Variants in C4orf17 observed in about 807,000 individuals in gnomAD.
The protein encoded by C4orf17 is uncharacterized protein C4orf17.
In C4orf17, 25 loss-of-function variants were observed where a neutral mutation model predicts 32.0. The observed-to-expected ratio is 0.78, with a 90% CI of 0.57 to 1.09. The LOEUF (loss-of-function observed/expected upper bound fraction) is 1.09. Ranked by LOEUF, C4orf17 falls within the 50% of genes least tolerant of loss-of-function variation. C4orf17 has a pLI of 0.00. For missense variants in C4orf17, 420 were observed against 420.0 expected, an observed-to-expected ratio of 1.00 and a Z score of 0.00; for synonymous variants, 149 against 145.8, an observed-to-expected ratio of 1.02 and a Z score of -0.16.
At chr4:99,516,927 C>G (rs75594733) in intron 2 of C4orf17, among the ~76,000 whole-genome samples, 14 of 152,326 alleles carry the variant, frequency 9.2e-5, no homozygotes, top group African/African-American at 3.4e-4. Context: ...AAGGTTGCCA[C>G]TATCCTTCAG....
intron 7 of C4orf17, 44 bp downstream of exon 7, chr4:99,539,414 A>C: frequency 6.9e-7 from 1 of 1,454,692 alleles, no homozygotes. Context: ...CCTATGGCAC[A>C]TGAAGACTTT....
chr4:99,520,629 C>T (rs1723271208), intron 2 of C4orf17, among the ~76,000 whole-genome samples: 3 of 152,150 alleles, frequency 2.0e-5, no homozygotes, highest in Non-Finnish European at 2.9e-5. Context: ...CAAAGCCATG[C>T]TCATGGTAAT....
At position 99,513,668 on chromosome 4, in the gene C4orf17, C is replaced by G. The variant is rs549559536; in HGVS notation, c.127+460C>G. 2.0e-5 allele frequency among the ~76,000 whole-genome samples: 3 copies of G among 152,110 alleles called. No individual in the cohort carries two copies. In the South Asian group the frequency reaches 6.2e-4, roughly 32 times the overall value. On this transcript the variant is annotated intron_variant, in intron 2 of 8. Transcript: ENST00000326581. ...TCCTTGCCTCCTGCCCTCATTCCCTCCCTTCCTTCCTCCCTTTCTTCTCTT... is the reference window on the plus strand; with the variant it reads ...TCCTTGCCTCCTGCCCTCATTCCCTGCCTTCCTTCCTCCCTTTCTTCTCTT...
intron 2 of C4orf17, among the ~76,000 whole-genome samples, chr4:99,518,423 G>T (rs1578187308): frequency 7.2e-6 from 1 of 139,012 alleles, no homozygotes; most frequent in East Asian, 2.2e-4. Context: ...GTTCAAGGCT[G>T]CAATGAGCCA....
Position 99,539,337 on chromosome 4 carries a change from T to TGAC in C4orf17, c.804_806dup (p.Thr269dup), listed in dbSNP as rs754067823. The TGAC allele has an allele frequency of 8.1e-6, 13 of 1,614,084 alleles. No homozygotes were observed. Among genetic ancestry groups the TGAC allele is most frequent in the Non-Finnish European group, 1.1e-5 (13 of 1,179,916 alleles). On this transcript the variant is annotated inframe_insertion, in exon 7 of 9. Transcript: ENST00000326581. ...AATTTTACTGCAAAATCAAAAGTGC[T>TGAC]GACCAGAGATACAGAAGGGGATCAA...
At chr4:99,519,607 G>C (rs930895592) in intron 2 of C4orf17, among the ~76,000 whole-genome samples, 1 of 152,170 alleles carries the variant, frequency 6.6e-6, no homozygotes, top group Non-Finnish European at 1.5e-5. Context: ...TAGAGTTACT[G>C]ACAGATTTTA....
chr4:99,514,179 AT>A (rs1221785891), intron 2 of C4orf17, among the ~76,000 whole-genome samples: 8 of 152,156 alleles, frequency 5.3e-5, no homozygotes, highest in African/African-American at 1.9e-4. Context: ...ATAAAAACCA[AT>A]GTCATTTGGC....
chr4:99,529,709 A>C (rs1171254138), intron 4 of C4orf17, 106 bp from the exon 5 acceptor site: 1 of 839,838 alleles, frequency 1.2e-6, no homozygotes, highest in African/African-American at 1.8e-5. Context: ...ACTTTCATGT[A>C]TCTCTCTTAT....
chr4:99,540,386 CT>C, intron 7 of C4orf17, 25 bp from the exon 8 acceptor site: 1 of 1,592,532 alleles, frequency 6.3e-7, no homozygotes, highest in Non-Finnish European at 8.6e-7. Flanking sequence ...GTGAAATTCA[CT>C]TTTTTCTTTC....
chr4:99,533,426 AT>A (rs933731822), intron 5 of C4orf17, among the ~76,000 whole-genome samples: 1 of 152,172 alleles, frequency 6.6e-6, no homozygotes, highest in East Asian at 1.9e-4. Flanking sequence ...AGATTGGACC[AT>A]TGAGAGAAGA....
intron 2 of C4orf17, among the ~76,000 whole-genome samples, chr4:99,515,044 T>C (rs1458179844): frequency 1.3e-5 from 2 of 151,882 alleles, no homozygotes; most frequent in African/African-American, 4.8e-5. Context: ...CAAGTTGGAG[T>C]TAAGCTAGAG....
chr4:99,516,403 T>G (rs987283551), intron 2 of C4orf17, among the ~76,000 whole-genome samples: 1 of 152,170 alleles, frequency 6.6e-6, no homozygotes, highest in African/African-American at 2.4e-5. Context: ...AGATGCACAT[T>G]GGGAGTCATC....
At chr4:99,532,534 C>T (rs1211328893) in intron 5 of C4orf17, among the ~76,000 whole-genome samples, 1 of 151,978 alleles carries the variant, frequency 6.6e-6, no homozygotes, top group African/African-American at 2.4e-5. Flanking sequence ...ACAATAGGCA[C>T]TGGAAACTCC....
At chr4:99,540,361 T>C (rs767566102) in intron 7 of C4orf17, 51 bp from the exon 8 acceptor site, 1 of 1,338,076 alleles carries the variant, frequency 7.5e-7, no homozygotes. Flanking sequence ...CTATAGAAAA[T>C]ACTTTTTTGT....
chr4:99,539,045 C>T (rs72681975), intron 6 of C4orf17, 118 bp from the exon 7 acceptor site: 20,760 of 931,230 alleles, frequency 0.022, 312 homozygotes, highest in Non-Finnish European at 0.029. Context: ...ACATAGGTAA[C>T]TATCCAGAAA....
At chr4:99,522,869 A>G (rs10031319) in intron 3 of C4orf17, among the ~76,000 whole-genome samples, 160 bp downstream of exon 3, 10,766 of 152,224 alleles carry the variant, frequency 0.071, 731 homozygotes, top group African/African-American at 0.18. Flanking sequence ...TCACTCTTCT[A>G]ATCTCATCAG....
At chr4:99,526,978 A>G (rs1723397461) in intron 4 of C4orf17, among the ~76,000 whole-genome samples, 1 of 152,026 alleles carries the variant, frequency 6.6e-6, no homozygotes, top group Non-Finnish European at 1.5e-5. Flanking sequence ...ATCTTTATAG[A>G]AGGTAAAATC....
Position 99,529,801 on chromosome 4 carries a change from T to C in C4orf17, c.403-14T>C, listed in dbSNP as rs781424563. On this transcript the variant is annotated splice_polypyrimidine_tract_variant and intron_variant, in intron 4 of 8. Coordinates refer to ENST00000326581, the MANE Select transcript of C4orf17 (RefSeq NM_032149.3). ...ATGCAAATGTATATTGGTTATATTA[T>C]ACTTTTGATTTAGGAAGAAATTAAG... 1.3e-6 allele frequency: 2 copies of C among 1,597,934 alleles called. No individual in the cohort carries two copies. The highest frequency in any genetic ancestry group is 1.7e-6 in the Non-Finnish European group (2 of 1,173,106).
intron 5 of C4orf17, chr4:99,536,144 G>A: frequency 3.1e-6 from 1 of 323,514 alleles, no homozygotes; most frequent in South Asian, 2.6e-5. Context: ...TGGCTCGAAT[G>A]CTCCTATAGG....
Sources: gnomAD v4.1 joint callset for allele counts (sites outside exome capture counted in the v4.1 genomes callset) on GRCh38, gnomAD v4.1.1 for gene constraint, MANE v1.5 for transcripts, NCBI Gene and HGNC (gene_info 2026-07-23, HGNC 2026-07-21) for gene names.